FBN1: variants seen among roughly 807,000 people sequenced by gnomAD.
The protein encoded by FBN1 is fibrillin-1.
In FBN1, 29 loss-of-function variants were observed where a neutral mutation model predicts 365.1. The observed-to-expected ratio is 0.08, with a 90% CI of 0.06 to 0.11. The LOEUF is 0.11. FBN1 is among the 10% of genes least tolerant of loss of function. The pLI is 1.00. For synonymous variants in FBN1, 1,210 were observed against 1,270.5 expected (o/e 0.95, Z 1.01); for missense variants, 2,476 against 3,703.2 (o/e 0.67, Z 8.60).
intron 2 of FBN1, 145 bp downstream of exon 2, chr15:48,644,461 G>A (rs981138796): frequency 2.8e-6 from 3 of 1,086,904 alleles, no homozygotes; most frequent in African/African-American, 1.6e-5. Context: ...CACGAACGGG[G>A]TGGGGACTAA....
At chr15:48,615,550 T>C (rs1003746469) in intron 2 of FBN1, among the ~76,000 whole-genome samples, 2 of 152,130 alleles carry the variant, frequency 1.3e-5, no homozygotes, top group African/African-American at 4.8e-5. Context: ...TTACTATAGT[T>C]ACAAAAGAAA....
chr15:48,525,240 C>A (rs979155334), intron 9 of FBN1, among the ~76,000 whole-genome samples: 2 of 152,038 alleles, frequency 1.3e-5, no homozygotes, highest in Admixed American at 6.6e-5. Flanking sequence ...GCACCCGCCA[C>A]GACGCCTGGC....
chr15:48,500,176 C>T (rs1260427725), intron 17 of FBN1, among the ~76,000 whole-genome samples: 3 of 152,142 alleles, frequency 2.0e-5, no homozygotes, highest in Admixed American at 1.3e-4. Context: ...CTTTTTTATT[C>T]TGCTGTATCA....
chr15:48,429,819 C>G (rs1443320578), intron 56 of FBN1, among the ~76,000 whole-genome samples: 1 of 152,158 alleles, frequency 6.6e-6, no homozygotes, highest in Non-Finnish European at 1.5e-5. Flanking sequence ...TCTTAATCTT[C>G]TTGAATGACA....
intron 6 of FBN1, among the ~76,000 whole-genome samples, chr15:48,568,630 T>C (rs1374575233): frequency 6.6e-6 from 1 of 152,032 alleles, no homozygotes; most frequent in Non-Finnish European, 1.5e-5. Context: ...ACTATGGTAC[T>C]AGAGTAAGAA....
At chr15:48,558,423 T>C (rs1418362891) in intron 6 of FBN1, among the ~76,000 whole-genome samples, 1 of 152,180 alleles carries the variant, frequency 6.6e-6, no homozygotes, top group Non-Finnish European at 1.5e-5. Flanking sequence ...TCTAAACAGG[T>C]ACTCCCCCAA....
chr15:48,486,964 A>C, intron 29 of FBN1, 111 bp downstream of exon 29: 2 of 852,122 alleles, frequency 2.3e-6, no homozygotes, highest in Non-Finnish European at 1.6e-6. Flanking sequence ...CTCAGAGTAC[A>C]TAGAGTGTTT....
intron 21 of FBN1, 96 bp downstream of exon 21, chr15:48,495,373 T>A (rs1157085648): frequency 6.3e-7 from 1 of 1,590,890 alleles, no homozygotes; most frequent in East Asian, 2.2e-5. Flanking sequence ...TTTTTAATAT[T>A]GTTCATCCAT....
chr15:48,502,727 T>C (rs1052491679), intron 17 of FBN1, among the ~76,000 whole-genome samples: 1 of 152,240 alleles, frequency 6.6e-6, no homozygotes, highest in Non-Finnish European at 1.5e-5. Flanking sequence ...GCAACTCATT[T>C]TGTAGATGAA....
At chr15:48,479,077 A>G (rs924995670) in intron 32 of FBN1, among the ~76,000 whole-genome samples, 92 of 152,210 alleles carry the variant, frequency 6.0e-4, no homozygotes, top group African/African-American at 2.2e-3. Flanking sequence ...TGCTTATCCA[A>G]TTAGGCAAGA....
chr15:48,533,363 G>A (rs989684342), intron 8 of FBN1, among the ~76,000 whole-genome samples: 5 of 152,110 alleles, frequency 3.3e-5, no homozygotes, highest in Admixed American at 6.5e-5. Flanking sequence ...AGAGTCCAAT[G>A]CTGCCTACAT....
Position 48,468,434 on chromosome 15 carries a change from G to A in FBN1, c.4560C>T (p.Asn1520=). 1 of 1,614,144 alleles carries A rather than the reference G, an allele frequency of 6.2e-7. No homozygotes were observed. Among genetic ancestry groups the A allele is most frequent in the Non-Finnish European group, 8.5e-7 (1 of 1,180,026 alleles). Residue 1520 remains asparagine (N), a synonymous_variant, in exon 37 of 66, where the codon AAC becomes AAT. Coordinates refer to ENST00000316623, the MANE Select transcript of FBN1 (RefSeq NM_000138.5). ...ICDCPPDFEL[N]PTRVGCVDTR... is the part of the protein sequence containing the mutation. ...TACCAACACAGCCAACTCGAGTTGG[G>A]TTCAGTTCAAAATCAGGTGGGCAGT...
chr15:48,511,398 G>GT (rs1459945876), intron 13 of FBN1, among the ~76,000 whole-genome samples: 4 of 151,480 alleles, frequency 2.6e-5, no homozygotes, highest in Non-Finnish European at 5.9e-5. Context: ...AAAAAAAATG[G>GT]TAAAAACCAC....
At chr15:48,577,531 G>A (rs573358134) in intron 6 of FBN1, among the ~76,000 whole-genome samples, 28 of 152,132 alleles carry the variant, frequency 1.8e-4, no homozygotes, top group African/African-American at 5.8e-4. Flanking sequence ...TACTTAAATC[G>A]CCCTTTTTTT....
intron 6 of FBN1, among the ~76,000 whole-genome samples, chr15:48,546,812 T>C (rs2044096900): frequency 6.6e-6 from 1 of 152,014 alleles, no homozygotes; most frequent in Non-Finnish European, 1.5e-5. Flanking sequence ...GTAGGGGACG[T>C]CCTTGGGCCA....
rs116629401 is a variant in FBN1, at chr15:48,562,049, C to G, written c.539-24241G>C. Among the ~76,000 whole-genome samples the G allele has an allele frequency of 5.1e-3, 776 of 152,226 alleles. 4 individuals carry two copies. The highest frequency in any genetic ancestry group is 0.018 in the African/African-American group (745 of 41,542). ...TGCTGAGTAACCCTGCCAATCATGA[C>G]GTAAGTTGTCAGTAGATCACATTTT... On this transcript the variant is annotated intron_variant, in intron 6 of 65. Transcript: ENST00000316623.
At chr15:48,620,288 G>T (rs1889742277) in intron 2 of FBN1, among the ~76,000 whole-genome samples, 1 of 152,110 alleles carries the variant, frequency 6.6e-6, no homozygotes, top group African/African-American at 2.4e-5. Context: ...TTGAGGGTTT[G>T]GGAAACAAAG....
At chr15:48,484,614 G>T (rs555437938) in intron 30 of FBN1, among the ~76,000 whole-genome samples, 19 of 152,176 alleles carry the variant, frequency 1.2e-4, no homozygotes, top group African/African-American at 4.6e-4. Context: ...CAGGTGATCT[G>T]CCTGCCTCAG....
Position 48,444,579 on chromosome 15 carries a change from CA to C in FBN1, c.5998del (p.Cys2000AlafsTer59), listed in dbSNP as rs1367820520. ...ATTTTGAAGACTGTATCCAGGTGGGCAAATGCATCTGTAGGACCCATCCAAG... is the reference window on the plus strand; with the variant it reads ...ATTTTGAAGACTGTATCCAGGTGGGCAATGCATCTGTAGGACCCATCCAAG... ...QNLDGSYRCI[C>X]PPGYSLQNEK... On this transcript the variant is annotated frameshift_variant, in exon 49 of 66. Coordinates refer to ENST00000316623, the MANE Select transcript of FBN1 (RefSeq NM_000138.5). LOFTEE classifies it high-confidence loss of function. 1 of 1,613,496 alleles carries C rather than the reference CA, an allele frequency of 6.2e-7. No individual in the cohort carries two copies. The highest frequency in any genetic ancestry group is 8.5e-7 in the Non-Finnish European group (1 of 1,179,708).
Sources: gnomAD v4.1 joint callset for allele counts (sites outside exome capture counted in the v4.1 genomes callset) on GRCh38, gnomAD v4.1.1 for gene constraint, MANE v1.5 for transcripts, NCBI Gene and HGNC (gene_info 2026-07-23, HGNC 2026-07-21) for gene names.